BTBD9: variants seen among roughly 807,000 people sequenced by gnomAD.
BTBD9 encodes BTB/POZ domain-containing protein 9.
In BTBD9, 49 loss-of-function variants were observed where a neutral mutation model predicts 64.3. The observed-to-expected ratio is 0.76, with a 90% CI of 0.61 to 0.97. The LOEUF is 0.97. Among genes scored for constraint, BTBD9 ranks in the 50% least tolerant of loss-of-function variants. The pLI is 0.00. For missense variants in BTBD9, 598 were observed against 762.1 expected, an observed-to-expected ratio of 0.78 and a Z score of 2.53; for synonymous variants, 260 against 274.7, an observed-to-expected ratio of 0.95 and a Z score of 0.53.
chr6:38,236,327 G>A (rs1395925035), intron 9 of BTBD9, among the ~76,000 whole-genome samples: 1 of 152,118 alleles, frequency 6.6e-6, no homozygotes, highest in Non-Finnish European at 1.5e-5. Flanking sequence ...TTCATTTGTA[G>A]TAAAATTAAC....
At chr6:38,183,968 A>AGAACTGCAGTGTGGTG (rs1761698098) in intron 10 of BTBD9, among the ~76,000 whole-genome samples, 1 of 152,244 alleles carries the variant, frequency 6.6e-6, no homozygotes, top group East Asian at 1.9e-4. Flanking sequence ...TCTGCTCTCA[A>AGAACTGCAGTGTGGTG]GAACTGCAGT....
intron 9 of BTBD9, among the ~76,000 whole-genome samples, chr6:38,193,416 C>T (rs546780598): frequency 2.0e-5 from 3 of 152,264 alleles, no homozygotes; most frequent in Non-Finnish European, 2.9e-5. Flanking sequence ...GCTTCCAAAA[C>T]GCTGCCCCCG....
At position 38,604,675 on chromosome 6, in the gene BTBD9, C is replaced by T. The variant is rs548068937; in HGVS notation, c.-27-6554G>A. ...TTCCATAAGTACCATACCAAAACAA[C>T]CACAAAGATGCTAAATAGAATACTA... On this transcript the variant is annotated intron_variant, in intron 1 of 10. Transcript: ENST00000481247. Among the ~76,000 whole-genome samples the T allele has an allele frequency of 9.9e-5, 15 of 152,214 alleles. No individual in the cohort carries two copies. In the South Asian group the frequency reaches 2.7e-3, roughly 27 times the overall value.
Position 38,493,003 on chromosome 6 carries a change from T to G in BTBD9, c.1154+84597A>C, listed in dbSNP as rs191303525. Among the ~76,000 whole-genome samples, 176 of 152,302 alleles carry G rather than the reference T, an allele frequency of 1.2e-3. 1 individual carries two copies. Among genetic ancestry groups the G allele is most frequent in the Admixed American group, 1.4e-3 (21 of 15,296 alleles). ...TTTTAACCCTTAAAAAATTGTCCAT[T>G]CAATACTACTCATTAAAGCAAAAAA... is the stretch of plus-strand genomic sequence containing the variant. On this transcript the variant is annotated intron_variant, in intron 6 of 10. Coordinates refer to ENST00000481247, the MANE Select transcript of BTBD9 (RefSeq NM_001099272.2).
chr6:38,289,439 A>G (rs1459198034), intron 7 of BTBD9, among the ~76,000 whole-genome samples: 1 of 152,184 alleles, frequency 6.6e-6, no homozygotes, highest in South Asian at 2.1e-4. Context: ...ATCTTAAGCT[A>G]GCTGGTAGGT....
intron 9 of BTBD9, among the ~76,000 whole-genome samples, chr6:38,217,201 C>T (rs1289158290): frequency 6.6e-6 from 1 of 150,568 alleles, no homozygotes; most frequent in Non-Finnish European, 1.5e-5. Flanking sequence ...TGCCTGTAGT[C>T]CTAGCTACTC....
intron 1 of BTBD9, among the ~76,000 whole-genome samples, chr6:38,598,487 G>A (rs1777134019): frequency 6.6e-6 from 1 of 152,128 alleles, no homozygotes; most frequent in South Asian, 2.1e-4. Context: ...TATTGAGCAA[G>A]GTTGGGTACA....
chr6:38,627,560 C>A (rs1488267906), intron 1 of BTBD9, among the ~76,000 whole-genome samples: 4 of 152,146 alleles, frequency 2.6e-5, no homozygotes, highest in African/African-American at 9.7e-5. Flanking sequence ...TTCACCCCTG[C>A]ATCCCCAAAC....
chr6:38,517,634 G>A lies in BTBD9; in HGVS notation c.1154+59966C>T, dbSNP rs561345411. Among the ~76,000 whole-genome samples the A allele has an allele frequency of 3.3e-5, 5 of 152,216 alleles. No individual in the cohort carries two copies. In the South Asian group the frequency reaches 1.0e-3, roughly 32 times the overall value. On this transcript the variant is annotated intron_variant, in intron 6 of 10. Coordinates refer to ENST00000481247, the MANE Select transcript of BTBD9 (RefSeq NM_001099272.2). ...GTAAACTCCTATTAACTAGGAACAGGAGACAGGAAGAAATATCAGGCAGAT... is the reference window on the plus strand; with the variant it reads ...GTAAACTCCTATTAACTAGGAACAGAAGACAGGAAGAAATATCAGGCAGAT...
At chr6:38,507,017 T>C (rs4711550) in intron 6 of BTBD9, among the ~76,000 whole-genome samples, 27,339 of 152,154 alleles carry the variant, frequency 0.18, 2,830 homozygotes, top group Admixed American at 0.24. Context: ...CCAGAGCTAA[T>C]GCACTTGACG....
intron 3 of BTBD9, among the ~76,000 whole-genome samples, chr6:38,593,423 G>A (rs1468587836): frequency 6.6e-6 from 1 of 152,114 alleles, no homozygotes; most frequent in Non-Finnish European, 1.5e-5. Context: ...AAATATCCAG[G>A]TTCTAGAAGG....
At chr6:38,606,968 C>A (rs1777450971) in intron 1 of BTBD9, among the ~76,000 whole-genome samples, 1 of 152,202 alleles carries the variant, frequency 6.6e-6, no homozygotes, top group Non-Finnish European at 1.5e-5. Flanking sequence ...GATTCTGACT[C>A]TGACTTCTAG....
chr6:38,448,083 G>A (rs1299044857), intron 6 of BTBD9, among the ~76,000 whole-genome samples: 1 of 152,190 alleles, frequency 6.6e-6, no homozygotes, highest in African/African-American at 2.4e-5. Flanking sequence ...ATCAGGGTGT[G>A]TCAAGGGACA....
At chr6:38,382,286 T>C (rs753497725) in intron 6 of BTBD9, among the ~76,000 whole-genome samples, 5 of 152,124 alleles carry the variant, frequency 3.3e-5, no homozygotes, top group African/African-American at 9.7e-5. Context: ...TCTCAACTAA[T>C]TGTGGTTGTG....
At chr6:38,207,778 T>C (rs762486788) in intron 9 of BTBD9, among the ~76,000 whole-genome samples, 3 of 152,216 alleles carry the variant, frequency 2.0e-5, no homozygotes, top group African/African-American at 4.8e-5. Context: ...TCTACAGTTT[T>C]AGATTTTTAA....
intron 10 of BTBD9, among the ~76,000 whole-genome samples, chr6:38,181,500 A>G (rs929263436): frequency 5.3e-5 from 8 of 152,240 alleles, no homozygotes; most frequent in African/African-American, 9.6e-5. Flanking sequence ...GTTCAGTGAC[A>G]TAACAGATCC....
At chr6:38,253,361 A>G (rs1347227533) in intron 9 of BTBD9, among the ~76,000 whole-genome samples, 1 of 152,158 alleles carries the variant, frequency 6.6e-6, no homozygotes, top group Non-Finnish European at 1.5e-5. Flanking sequence ...AAGAACTTCC[A>G]AACACTTCTA....
At chr6:38,242,598 C>G (rs1764031452) in intron 9 of BTBD9, among the ~76,000 whole-genome samples, 1 of 152,202 alleles carries the variant, frequency 6.6e-6, no homozygotes, top group South Asian at 2.1e-4. Context: ...TGTGTGTACA[C>G]AAACAAGATG....
chr6:38,560,368 T>C (rs1482703648), intron 6 of BTBD9, among the ~76,000 whole-genome samples: 1 of 152,104 alleles, frequency 6.6e-6, no homozygotes, highest in Non-Finnish European at 1.5e-5. Flanking sequence ...TGCGATACCA[T>C]CTCACATTAA....
Sources: allele counts gnomAD v4.1 joint callset (sites outside exome capture counted in the v4.1 genomes callset), GRCh38; gene constraint gnomAD v4.1.1; transcripts MANE v1.5; gene names NCBI Gene and HGNC (gene_info 2026-07-23, HGNC 2026-07-21).